XDH: variants seen among roughly 807,000 people sequenced by gnomAD.
XDH encodes the protein xanthine dehydrogenase/oxidase.
XDH carries 138 observed loss-of-function variants against 156.1 expected under a neutral mutation model. The ratio of observed to expected loss-of-function variants is 0.88; its 90% confidence interval spans 0.77 to 1.02. The LOEUF (loss-of-function observed/expected upper bound fraction) is 1.02. Ranked by LOEUF, XDH falls within the 50% of genes least tolerant of loss-of-function variation. XDH has a pLI of 0.00. For synonymous variants in XDH, 669 were observed against 625.7 expected (o/e 1.07, Z -1.03); for missense variants, 1,849 against 1,684.9 (o/e 1.10, Z -1.71).
At chr2:31,346,443 A>G (rs1281571805) in intron 30 of XDH, among the ~76,000 whole-genome samples, 1 of 152,110 alleles carries the variant, frequency 6.6e-6, no homozygotes, top group Non-Finnish European at 1.5e-5. Flanking sequence ...AGACCCACTG[A>G]GTCAAGACAA....
At position 31,366,862 on chromosome 2, in the gene XDH, G is replaced by T. The variant is rs780679578; in HGVS notation, c.2322+8C>A. Reference sequence around the variant, plus strand: ...ACAGCCCCTTGAGCTGACCCAAAAGGCATCTACCTGGGTCTTCATGGTGTT... The same window carrying T: ...ACAGCCCCTTGAGCTGACCCAAAAGTCATCTACCTGGGTCTTCATGGTGTT... On this transcript the variant is annotated splice_region_variant and intron_variant, in intron 21 of 35. Coordinates refer to ENST00000379416, the MANE Select transcript of XDH (RefSeq NM_000379.4). The T allele has an allele frequency of 5.6e-6, 9 of 1,613,994 alleles. No homozygotes were observed. The highest frequency in any genetic ancestry group is 1.7e-5 in the Admixed American group (1 of 60,026).
Position 31,398,621 on chromosome 2 carries a change from G to A in XDH, c.385C>T (p.Arg129Trp), listed in dbSNP as rs145064943. 4.4e-5 allele frequency: 71 copies of A among 1,614,118 alleles called. No individual in the cohort carries two copies. Among genetic ancestry groups the A allele is most frequent in the South Asian group, 1.3e-4 (12 of 91,080 alleles). Residue 129 changes from arginine to tryptophan, a missense_variant, in exon 5 of 36, where the codon CGG (arginine) becomes TGG (tryptophan). By Grantham distance (101) the Arg-to-Trp change is moderately radical (BLOSUM62 -3). Coordinates refer to ENST00000379416, the MANE Select transcript of XDH (RefSeq NM_000379.4). ...TCCATGGTGGGCTCGGGCTGATTCC[G>A]GAGCAGTGTGTACATACTCATGACG... is the stretch of plus-strand genomic sequence containing the variant. The part of the protein sequence containing the change: ...GIVMSMYTLL[R>W]NQPEPTMEEI...
chr2:31,348,830 A>G, intron 27 of XDH, 69 bp downstream of exon 27: 2 of 1,428,276 alleles, frequency 1.4e-6, no homozygotes, highest in South Asian at 1.2e-5. Context: ...TTCCCTTGCA[A>G]TACTGTAAAC....
At chr2:31,379,028 T>G (rs1039614878) in intron 13 of XDH, among the ~76,000 whole-genome samples, 3 of 152,164 alleles carry the variant, frequency 2.0e-5, no homozygotes, top group African/African-American at 7.2e-5. Context: ...AAACATGCCT[T>G]AGAACACTCA....
At chr2:31,407,216 G>A (rs1687216920) in intron 1 of XDH, among the ~76,000 whole-genome samples, 1 of 152,150 alleles carries the variant, frequency 6.6e-6, no homozygotes, top group South Asian at 2.1e-4. Context: ...TGCCACCTTT[G>A]CAGCATAGGG....
chr2:31,346,336 C>G (rs1685291216), intron 30 of XDH, among the ~76,000 whole-genome samples: 1 of 152,124 alleles, frequency 6.6e-6, no homozygotes, highest in Non-Finnish European at 1.5e-5. Flanking sequence ...ATGTTTTCTC[C>G]CCACGCTGTC....
chr2:31,340,678 C>T (rs1424727078), intron 33 of XDH, among the ~76,000 whole-genome samples: 2 of 152,144 alleles, frequency 1.3e-5, no homozygotes, highest in African/African-American at 2.4e-5. Context: ...CCATGTTGTC[C>T]AAGCTGGTCT....
chr2:31,414,734 C>T lies in XDH; in HGVS notation c.-68G>A. On this transcript the variant is annotated 5_prime_UTR_variant, in exon 1 of 36. The change creates a new upstream start codon in the 5' untranslated region. Coordinates refer to ENST00000379416, the MANE Select transcript of XDH (RefSeq NM_000379.4). ...AAGAGACACTGGCAGGTAGTTATCA[C>T]TGCTCTGTGACCTGAAAGTTACGCC... 6.3e-7 allele frequency: 1 copy of T among 1,587,310 alleles called. No homozygotes were observed. Among genetic ancestry groups the T allele is most frequent in the Non-Finnish European group, 8.7e-7 (1 of 1,155,684 alleles).
At chr2:31,342,845 G>T (rs993210414) in intron 31 of XDH, among the ~76,000 whole-genome samples, 3 of 152,164 alleles carry the variant, frequency 2.0e-5, no homozygotes, top group African/African-American at 7.2e-5. Flanking sequence ...TGAGGGAAAT[G>T]ATACGAATAG....
chr2:31,414,631 G>A lies in XDH; in HGVS notation c.36C>T (p.Gly12=), dbSNP rs1479124051. 1 of 1,614,074 alleles carries A rather than the reference G, an allele frequency of 6.2e-7. No homozygotes were observed. Among genetic ancestry groups the A allele is most frequent in the Non-Finnish European group, 8.5e-7 (1 of 1,179,980 alleles). Residue 12 remains glycine (G), a synonymous_variant, in exon 1 of 36, where the codon GGC becomes GGT. Transcript: ENST00000379416. ...AAGGTCAGCTCCTACTTACCTTTCT[G>A]CCATTCACAAAGAAAACCAATTTGT... ...TADKLVFFVN[G]RKVVEKNADP...
intron 33 of XDH, 109 bp from the exon 34 acceptor site, chr2:31,339,786 A>G: frequency 7.2e-7 from 1 of 1,390,342 alleles, no homozygotes; most frequent in East Asian, 2.5e-5. Flanking sequence ...CCTGGAATGT[A>G]GCTAAAACTG....
Position 31,414,736 on chromosome 2 carries a change from G to A in XDH, c.-70C>T. Reference sequence around the variant, plus strand: ...GAGACACTGGCAGGTAGTTATCACTGCTCTGTGACCTGAAAGTTACGCCTC... The same window carrying A: ...GAGACACTGGCAGGTAGTTATCACTACTCTGTGACCTGAAAGTTACGCCTC... On this transcript the variant is annotated 5_prime_UTR_variant, in exon 1 of 36. Coordinates refer to ENST00000379416, the MANE Select transcript of XDH (RefSeq NM_000379.4). 1.3e-6 allele frequency: 2 copies of A among 1,578,988 alleles called. No homozygotes were observed. Among genetic ancestry groups the A allele is most frequent in the Non-Finnish European group, 1.7e-6 (2 of 1,148,192 alleles).
chr2:31,350,589 A>T (rs11889858), intron 24 of XDH, among the ~76,000 whole-genome samples: 12,177 of 151,632 alleles, frequency 0.08, 737 homozygotes, highest in African/African-American at 0.17. Context: ...TTGGCCTGGA[A>T]GGTCTCGATC....
chr2:31,355,151 G>C (rs543223766), intron 24 of XDH, among the ~76,000 whole-genome samples: 1 of 152,122 alleles, frequency 6.6e-6, no homozygotes, highest in African/African-American at 2.4e-5. Flanking sequence ...TGAAAGAAAC[G>C]AACTGTTAAC....
At chr2:31,337,864 G>T in intron 34 of XDH, 47 bp from the exon 35 acceptor site, 1 of 1,598,404 alleles carries the variant, frequency 6.3e-7, no homozygotes, top group Non-Finnish European at 8.5e-7. Context: ...AGGTGGTCCT[G>T]CCTCCACATC....
chr2:31,397,247 G>A (rs1175663784), intron 6 of XDH, among the ~76,000 whole-genome samples: 1 of 152,200 alleles, frequency 6.6e-6, no homozygotes, highest in Non-Finnish European at 1.5e-5. Flanking sequence ...GCCAGCCACA[G>A]AAAGCAGCCA....
At chr2:31,385,101 G>C (rs1198461956) in intron 9 of XDH, among the ~76,000 whole-genome samples, 1 of 152,180 alleles carries the variant, frequency 6.6e-6, no homozygotes, top group Non-Finnish European at 1.5e-5. Flanking sequence ...TGAGGCTGGG[G>C]TGGGGGACCA....
At chr2:31,336,193 T>C (rs994428733) in intron 35 of XDH, among the ~76,000 whole-genome samples, 185 bp from the exon 36 acceptor site, 1 of 152,260 alleles carries the variant, frequency 6.6e-6, no homozygotes, top group African/African-American at 2.4e-5. Flanking sequence ...TCATTTATTT[T>C]CACTGAGCAC....
intron 33 of XDH, 78 bp downstream of exon 33, chr2:31,341,251 G>T: frequency 7.4e-7 from 1 of 1,357,838 alleles, no homozygotes; most frequent in Non-Finnish European, 1.0e-6. Flanking sequence ...ACAACATGTT[G>T]TGGCAGGTGG....
Sources: gnomAD v4.1 joint callset for allele counts (sites outside exome capture counted in the v4.1 genomes callset) on GRCh38, gnomAD v4.1.1 for gene constraint, MANE v1.5 for transcripts, NCBI Gene and HGNC (gene_info 2026-07-23, HGNC 2026-07-21) for gene names.